The following HS6ST3 variants were observed in gnomAD, a reference collection of about 807,000 sequenced individuals.
HS6ST3 encodes heparan sulfate 6-O-sulfotransferase 3.
HS6ST3 carries 12 observed loss-of-function variants against 36.7 expected under a neutral mutation model. The observed-to-expected ratio is 0.33, with a 90% CI of 0.21 to 0.53. The LOEUF (loss-of-function observed/expected upper bound fraction) is 0.53. Ranked by LOEUF, HS6ST3 falls within the 20% of genes least tolerant of loss-of-function variation. HS6ST3 has a pLI of 0.95. For synonymous variants in HS6ST3, 240 were observed against 257.5 expected, an observed-to-expected ratio of 0.93 and a Z score of 0.65; for missense variants, 584 against 640.9, an observed-to-expected ratio of 0.91 and a Z score of 0.96.
intron 1 of HS6ST3, among the ~76,000 whole-genome samples, chr13:96,811,040 A>G (rs1878306905): frequency 6.6e-6 from 1 of 151,750 alleles, no homozygotes; most frequent in African/African-American, 2.4e-5. Flanking sequence ...TCTGTTTAGG[A>G]CAAGTGATAA....
At chr13:96,666,720 T>A (rs560230730) in intron 1 of HS6ST3, among the ~76,000 whole-genome samples, 34 of 152,252 alleles carry the variant, frequency 2.2e-4, no homozygotes, top group African/African-American at 7.9e-4. Flanking sequence ...TTTCTAGATT[T>A]TCTGTGTGAC....
chr13:96,149,589 C>T (rs751121776), intron 1 of HS6ST3, among the ~76,000 whole-genome samples: 3 of 152,142 alleles, frequency 2.0e-5, no homozygotes, highest in Non-Finnish European at 4.4e-5. Context: ...ATTCATGATG[C>T]ACCATCATCT....
chr13:96,584,865 A>G (rs1241723972), intron 1 of HS6ST3, among the ~76,000 whole-genome samples: 4 of 152,222 alleles, frequency 2.6e-5, no homozygotes, highest in African/African-American at 9.6e-5. Flanking sequence ...TGAGAGAAAC[A>G]CTGGCTGAGC....
At chr13:96,472,962 T>C (rs1294261912) in intron 1 of HS6ST3, among the ~76,000 whole-genome samples, 2 of 152,218 alleles carry the variant, frequency 1.3e-5, no homozygotes, top group East Asian at 1.9e-4. Context: ...CAATATACCA[T>C]TGTTGGCCTG....
At chr13:96,476,733 A>T (rs112500567) in intron 1 of HS6ST3, among the ~76,000 whole-genome samples, 5 of 152,196 alleles carry the variant, frequency 3.3e-5, no homozygotes, top group African/African-American at 1.2e-4. Flanking sequence ...GATGAGATCT[A>T]TTTGGGGTGT....
intron 1 of HS6ST3, among the ~76,000 whole-genome samples, chr13:96,306,944 C>G (rs933302180): frequency 1.3e-5 from 2 of 152,148 alleles, no homozygotes; most frequent in Admixed American, 1.3e-4. Flanking sequence ...ATTGGCTGCA[C>G]AACAGATAGG....
At chr13:96,361,708 C>G (rs759722182) in intron 1 of HS6ST3, among the ~76,000 whole-genome samples, 50 of 152,102 alleles carry the variant, frequency 3.3e-4, no homozygotes, top group Non-Finnish European at 6.8e-4. Flanking sequence ...ACCAACCAGC[C>G]AAAGAACAGC....
chr13:96,226,401 T>C (rs1350028058), intron 1 of HS6ST3, among the ~76,000 whole-genome samples: 2 of 152,090 alleles, frequency 1.3e-5, no homozygotes, highest in Admixed American at 6.6e-5. Context: ...ATTCCTGTAA[T>C]CCCAGCTACT....
chr13:96,480,216 C>T (rs1005219418), intron 1 of HS6ST3, among the ~76,000 whole-genome samples: 15 of 152,114 alleles, frequency 9.9e-5, no homozygotes, highest in East Asian at 1.9e-4. Flanking sequence ...TGGGTTCAAG[C>T]GATTCTTCTG....
chr13:96,244,159 A>G (rs1455936391), intron 1 of HS6ST3, among the ~76,000 whole-genome samples: 1 of 152,178 alleles, frequency 6.6e-6, no homozygotes, highest in Admixed American at 6.5e-5. Context: ...ATTAATGAAA[A>G]AATAGTAATT....
At chr13:96,138,392 CAGTTTATAAATATATATTT>C (rs2054013039) in intron 1 of HS6ST3, among the ~76,000 whole-genome samples, 2 of 45,654 alleles carry the variant, frequency 4.4e-5, no homozygotes, top group Admixed American at 1.6e-4. Flanking sequence ...TATATGTTTA[CAGTTTATAAATATATATTT>C]ACAGTTTATA....
At chr13:96,708,138 A>G (rs2138458527) in intron 1 of HS6ST3, among the ~76,000 whole-genome samples, 1 of 152,366 alleles carries the variant, frequency 6.6e-6, no homozygotes, top group East Asian at 1.9e-4. Context: ...TCATGAGTTC[A>G]AGAAAACAGC....
intron 1 of HS6ST3, among the ~76,000 whole-genome samples, chr13:96,555,819 A>G (rs2056238288): frequency 6.6e-6 from 1 of 152,120 alleles, no homozygotes; most frequent in Non-Finnish European, 1.5e-5. Flanking sequence ...TAAAAAAAAA[A>G]ACTTCTATAT....
At chr13:96,464,163 C>CAAAAAAAAAAAAAAAAAAAAAAAAA (rs1322172089) in intron 1 of HS6ST3, among the ~76,000 whole-genome samples, 85 of 64,802 alleles carry the variant, frequency 1.3e-3, no homozygotes, top group South Asian at 4.1e-3. Context: ...AAAAAAAAAT[C>CAAAAAAAAAAAAAAAAAAAAAAAAA]AAAGATCTGA....
chr13:96,370,732 C>A (rs771580233), intron 1 of HS6ST3, among the ~76,000 whole-genome samples: 3 of 151,964 alleles, frequency 2.0e-5, no homozygotes, highest in Non-Finnish European at 1.5e-5. Context: ...GCCAACATGG[C>A]GAAACTCTGT....
chr13:96,441,086 G>A (rs962443063), intron 1 of HS6ST3, among the ~76,000 whole-genome samples: 1 of 152,098 alleles, frequency 6.6e-6, no homozygotes, highest in Non-Finnish European at 1.5e-5. Context: ...TCCACCATAT[G>A]CAGATTCAAC....
At chr13:96,370,948 TGCCTG>T (rs1010044102) in intron 1 of HS6ST3, among the ~76,000 whole-genome samples, 5 of 152,204 alleles carry the variant, frequency 3.3e-5, no homozygotes, top group Non-Finnish European at 7.4e-5. Context: ...TATTACTCTA[TGCCTG>T]TATTACTAAA....
At chr13:96,677,599 A>C (rs1202677961) in intron 1 of HS6ST3, among the ~76,000 whole-genome samples, 1 of 152,192 alleles carries the variant, frequency 6.6e-6, no homozygotes, top group Non-Finnish European at 1.5e-5. Context: ...AGAAAAATTA[A>C]AGTGAAAGAA....
At chr13:96,779,316 CAATAATAATAATAAT>C (rs67524779) in intron 1 of HS6ST3, among the ~76,000 whole-genome samples, 3 of 147,454 alleles carry the variant, frequency 2.0e-5, no homozygotes, top group Admixed American at 6.8e-5. Context: ...CTTAAAGTAT[CAATAATAATAATAAT>C]AATAATAATA....
Sources: allele counts gnomAD v4.1 joint callset (sites outside exome capture counted in the v4.1 genomes callset), GRCh38; gene constraint gnomAD v4.1.1; transcripts MANE v1.5; gene names NCBI Gene and HGNC (gene_info 2026-07-23, HGNC 2026-07-21).